Variants in FHIT observed in about 807,000 individuals in gnomAD.
FHIT encodes bis(5'-adenosyl)-triphosphatase.
FHIT carries 19 observed loss-of-function variants against 17.9 expected under a neutral mutation model. That is an observed-to-expected ratio of 1.06 (90% CI 0.74 to 1.56). The LOEUF (loss-of-function observed/expected upper bound fraction) is 1.56. FHIT is among the 40% of genes most tolerant of loss of function. FHIT has a pLI of 0.00. For missense variants in FHIT, 248 were observed against 189.2 expected, an observed-to-expected ratio of 1.31 and a Z score of -1.82; for synonymous variants, 81 against 69.7, an observed-to-expected ratio of 1.16 and a Z score of -0.81.
chr3:60,950,941 A>G (rs1553777083), intron 3 of FHIT, among the ~76,000 whole-genome samples: 1 of 152,170 alleles, frequency 6.6e-6, no homozygotes, highest in East Asian at 1.9e-4. Flanking sequence ...CAGCAGCTTC[A>G]TTGTGACCAT....
chr3:60,155,057 T>G (rs1700621443), intron 5 of FHIT, among the ~76,000 whole-genome samples: 1 of 151,700 alleles, frequency 6.6e-6, no homozygotes, highest in Non-Finnish European at 1.5e-5. Flanking sequence ...TAGCCAGGCA[T>G]GCACCTGTAC....
intron 7 of FHIT, among the ~76,000 whole-genome samples, chr3:59,932,950 T>C (rs145837671): frequency 2.5e-3 from 382 of 152,242 alleles, no homozygotes; most frequent in Non-Finnish European, 4.7e-3. Context: ...CAAATTACTG[T>C]AGATATTTTG....
In FHIT at chr3:61,129,290, G is replaced by A. The variant is rs574672829; in HGVS notation, c.-164+71327C>T. ...TTGAAATCATCCTAATTGTCGACAT[G>A]AGAAAATGAGAAAGCAATTTGTGGC... On this transcript the variant is annotated intron_variant, in intron 2 of 9. Coordinates refer to ENST00000492590, the MANE Select transcript of FHIT (RefSeq NM_002012.4). 7.9e-5 allele frequency among the ~76,000 whole-genome samples: 12 copies of A among 152,322 alleles called. No homozygotes were observed. In the South Asian group the frequency reaches 2.5e-3, roughly 32 times the overall value.
chr3:60,457,043 A>C (rs181671793), intron 5 of FHIT, among the ~76,000 whole-genome samples: 1 of 152,158 alleles, frequency 6.6e-6, no homozygotes, highest in South Asian at 2.1e-4. Flanking sequence ...CCCCATCAAG[A>C]TACTAAGGAC....
chr3:61,062,064 A>G (rs1437222791), intron 2 of FHIT, among the ~76,000 whole-genome samples: 1 of 152,190 alleles, frequency 6.6e-6, no homozygotes, highest in African/African-American at 2.4e-5. Context: ...TATATATAAT[A>G]CTATATTGAA....
At chr3:59,779,883 G>A (rs957391773) in intron 8 of FHIT, among the ~76,000 whole-genome samples, 2 of 152,228 alleles carry the variant, frequency 1.3e-5, no homozygotes, top group African/African-American at 4.8e-5. Flanking sequence ...CCCATGAGAG[G>A]AGAAGGATTC....
At chr3:60,235,305 A>T (rs1704724305) in intron 5 of FHIT, among the ~76,000 whole-genome samples, 1 of 148,334 alleles carries the variant, frequency 6.7e-6, no homozygotes, top group Non-Finnish European at 1.5e-5. Flanking sequence ...GTCTCGGCTC[A>T]CTGCAACCTC....
At chr3:60,130,581 CA>C (rs1699499316) in intron 5 of FHIT, among the ~76,000 whole-genome samples, 1 of 151,980 alleles carries the variant, frequency 6.6e-6, no homozygotes, top group Non-Finnish European at 1.5e-5. Flanking sequence ...TATACAACTT[CA>C]AAAATGAAAA....
chr3:61,087,163 C>T (rs2035331872), intron 2 of FHIT, among the ~76,000 whole-genome samples: 1 of 152,060 alleles, frequency 6.6e-6, no homozygotes, highest in Non-Finnish European at 1.5e-5. Flanking sequence ...GTCTCTCCTG[C>T]CTGATTCCCC....
At chr3:60,190,618 G>A (rs1702358858) in intron 5 of FHIT, among the ~76,000 whole-genome samples, 1 of 151,886 alleles carries the variant, frequency 6.6e-6, no homozygotes, top group Admixed American at 6.6e-5. Context: ...ACTGTTGTGG[G>A]GTGGGGGAGC....
chr3:60,658,411 T>C (rs2040165927), intron 4 of FHIT, among the ~76,000 whole-genome samples: 1 of 152,154 alleles, frequency 6.6e-6, no homozygotes, highest in Non-Finnish European at 1.5e-5. Flanking sequence ...TTTTTTGTAG[T>C]GAAACATTTA....
At chr3:60,358,560 C>A (rs1485667092) in intron 5 of FHIT, among the ~76,000 whole-genome samples, 2 of 152,124 alleles carry the variant, frequency 1.3e-5, no homozygotes, top group Non-Finnish European at 2.9e-5. Flanking sequence ...GGTCAAAAAG[C>A]TAAGGTCATA....
At chr3:59,752,503 T>TAATC (rs1372621786) in intron 8 of FHIT, among the ~76,000 whole-genome samples, 182 bp from the exon 9 acceptor site, 1 of 152,266 alleles carries the variant, frequency 6.6e-6, no homozygotes, top group African/African-American at 2.4e-5. Flanking sequence ...ACATTTAAAA[T>TAATC]AATCAGATCA....
intron 5 of FHIT, among the ~76,000 whole-genome samples, chr3:60,328,411 G>C (rs538385369): frequency 2.0e-5 from 3 of 152,186 alleles, no homozygotes; most frequent in African/African-American, 7.2e-5. Context: ...CAATCATGGA[G>C]GAAGGCGAAG....
intron 5 of FHIT, among the ~76,000 whole-genome samples, chr3:60,183,211 G>A (rs115776882): frequency 0.021 from 3,120 of 152,082 alleles, 39 homozygotes; most frequent in African/African-American, 0.044. Flanking sequence ...CATCCTAGCC[G>A]ACATGGTGAA....
rs182635021 is a variant in FHIT at position 60,341,187 on chromosome 3, G to A, written c.103+195673C>T. ...AGGATGACTGCGTTCTCATTCCACC[G>A]TGGGGGTGTGTTGTTTTGAGCTGGA... On this transcript the variant is annotated intron_variant, in intron 5 of 9. Coordinates refer to ENST00000492590, the MANE Select transcript of FHIT (RefSeq NM_002012.4). Among the ~76,000 whole-genome samples the A allele has an allele frequency of 1.8e-3, 267 of 152,210 alleles. 2 individuals are homozygous for A. In the South Asian group the frequency reaches 0.024, roughly 14 times the overall value.
chr3:59,761,310 CA>C (rs1031611522), intron 8 of FHIT, among the ~76,000 whole-genome samples: 2 of 152,158 alleles, frequency 1.3e-5, no homozygotes, highest in Admixed American at 6.5e-5. Context: ...CCACATTGCC[CA>C]GTCAGAGTAA....
intron 3 of FHIT, among the ~76,000 whole-genome samples, chr3:60,881,216 A>G (rs1201147440): frequency 2.0e-5 from 3 of 152,330 alleles, no homozygotes; most frequent in East Asian, 1.9e-4. Context: ...TCATCATATA[A>G]TGATAAAGGA....
intron 4 of FHIT, among the ~76,000 whole-genome samples, chr3:60,714,781 AAG>A (rs2041637122): frequency 6.6e-6 from 1 of 152,226 alleles, no homozygotes; most frequent in Non-Finnish European, 1.5e-5. Context: ...AATGAAATAA[AAG>A]AGGATACAAA....
Sources: allele counts gnomAD v4.1 joint callset (sites outside exome capture counted in the v4.1 genomes callset), GRCh38; gene constraint gnomAD v4.1.1; transcripts MANE v1.5; gene names NCBI Gene and HGNC (gene_info 2026-07-23, HGNC 2026-07-21).